PARD3B: variants seen among roughly 807,000 people sequenced by gnomAD.
PARD3B encodes the protein partitioning defective 3 homolog B.
A neutral mutation model predicts 130.2 loss-of-function variants in PARD3B; 103 were observed. The observed-to-expected ratio is 0.79, with a 90% CI of 0.67 to 0.93. PARD3B has a LOEUF of 0.93. PARD3B is among the 40% of genes least tolerant of loss of function. The pLI is 0.00. For missense variants in PARD3B, 1,609 were observed against 1,499.2 expected (o/e 1.07, Z -1.21); for synonymous variants, 583 against 553.2 (o/e 1.05, Z -0.76).
At chr2:205,023,154 G>A (rs888272046) in intron 3 of PARD3B, among the ~76,000 whole-genome samples, 1 of 152,140 alleles carries the variant, frequency 6.6e-6, no homozygotes, top group Non-Finnish European at 1.5e-5. Flanking sequence ...TAGAAGTTCG[G>A]TTGCATCGGA....
In PARD3B at chr2:205,183,536, G is replaced by A. The variant is rs2035913051; in HGVS notation, c.1925-2228G>A. ...CCCTAGGGTTGGAGGTGGTGCAGGG[G>A]CACAGTGCAGGCGCTGCCTTTGTGC... On this transcript the variant is annotated intron_variant, in intron 13 of 22. Transcript: ENST00000406610. This position sits in a 1 kb window ranked among gnomAD's most constrained non-coding sequence, Gnocchi z 5.2. 6.6e-6 allele frequency among the ~76,000 whole-genome samples: 1 copy of A among 152,104 alleles called. No homozygotes were observed. The highest frequency in any genetic ancestry group is 2.1e-4 in the South Asian group (1 of 4,832).
At chr2:205,613,765 A>T (rs1336834851) in intron 22 of PARD3B, among the ~76,000 whole-genome samples, 1 of 152,224 alleles carries the variant, frequency 6.6e-6, no homozygotes, top group Non-Finnish European at 1.5e-5. Flanking sequence ...GTTCATCCTT[A>T]TAGATTTGTT....
At chr2:204,717,118 A>G (rs1236372364) in intron 2 of PARD3B, among the ~76,000 whole-genome samples, 1 of 152,124 alleles carries the variant, frequency 6.6e-6, no homozygotes, top group Non-Finnish European at 1.5e-5. Flanking sequence ...TGAACCAGTT[A>G]GTCGTGATGA....
chr2:204,600,930 A>AT lies in PARD3B; in HGVS notation c.120+54821dup, dbSNP rs550888318. Among the ~76,000 whole-genome samples the AT allele has an allele frequency of 5.5e-4, 82 of 149,928 alleles. 2 individuals are homozygous for AT. In the South Asian group the frequency reaches 5.7e-3, roughly 10 times the overall value. ...GTCCAACTGTTTAGTTTAAAATAGG[A>AT]TTTTTTTTTTCTGAGTAAATCTATT... is the stretch of plus-strand genomic sequence containing the variant. On this transcript the variant is annotated intron_variant, in intron 1 of 22. Transcript: ENST00000406610.
At chr2:205,540,108 C>T (rs762307442) in intron 21 of PARD3B, among the ~76,000 whole-genome samples, 1 of 152,126 alleles carries the variant, frequency 6.6e-6, no homozygotes, top group Non-Finnish European at 1.5e-5. Context: ...CGTCATGCTA[C>T]ATCCATGTCT....
At chr2:204,983,359 T>G (rs1692846914) in intron 3 of PARD3B, among the ~76,000 whole-genome samples, 2 of 145,422 alleles carry the variant, frequency 1.4e-5, no homozygotes, top group South Asian at 4.5e-4. Context: ...AACCGAGGCT[T>G]TAATAAACAA....
rs997808384 is a variant in PARD3B at position 205,440,116 on chromosome 2, C to T, written c.2742-254C>T. Among the ~76,000 whole-genome samples, 10 of 152,136 alleles carry T rather than the reference C, an allele frequency of 6.6e-5. No homozygotes were observed. The highest frequency in any genetic ancestry group is 2.4e-4 in the African/African-American group (10 of 41,436). ...AACAGCCTCTGAAGCTACTATCAGCCTAGTCATCAGTGGGCAAGATATCAA... is the reference window on the plus strand; with the variant it reads ...AACAGCCTCTGAAGCTACTATCAGCTTAGTCATCAGTGGGCAAGATATCAA... On this transcript the variant is annotated intron_variant, in intron 19 of 22. Transcript: ENST00000406610. This position sits in a 1 kb window ranked among gnomAD's most constrained non-coding sequence, Gnocchi z 4.2.
intron 2 of PARD3B, among the ~76,000 whole-genome samples, chr2:204,770,770 T>TG (rs1176518340): frequency 6.6e-6 from 1 of 152,030 alleles, no homozygotes; most frequent in Non-Finnish European, 1.5e-5. Flanking sequence ...CCCCATCCTC[T>TG]GCTCACCCTT....
intron 2 of PARD3B, among the ~76,000 whole-genome samples, chr2:204,844,295 A>G (rs1284811695): frequency 1.3e-5 from 2 of 152,254 alleles, no homozygotes; most frequent in Non-Finnish European, 2.9e-5. Context: ...TTTTAGTACC[A>G]CTACGATTAA....
intron 4 of PARD3B, among the ~76,000 whole-genome samples, chr2:205,057,562 C>CGTATATGTGTATGTGTATGTGT (rs1559397296): frequency 2.5e-5 from 3 of 121,922 alleles, no homozygotes; most frequent in Admixed American, 8.6e-5. Context: ...TGTATATATA[C>CGTATATGTGTATGTGTATGTGT]ATATATGTAT....
chr2:205,523,722 T>G (rs934999605), intron 21 of PARD3B, among the ~76,000 whole-genome samples: 1 of 151,916 alleles, frequency 6.6e-6, no homozygotes, highest in Non-Finnish European at 1.5e-5. Context: ...GATCCTACTA[T>G]CTAGGGATTA....
intron 3 of PARD3B, among the ~76,000 whole-genome samples, chr2:204,991,880 G>T (rs1693723329): frequency 6.7e-6 from 1 of 149,886 alleles, no homozygotes; most frequent in South Asian, 2.1e-4. Flanking sequence ...GTCTTCTTTT[G>T]AGACGTGTCT....
At chr2:204,690,253 GTAACTAC>G (rs1253641815) in intron 2 of PARD3B, among the ~76,000 whole-genome samples, 1 of 152,158 alleles carries the variant, frequency 6.6e-6, no homozygotes, top group Non-Finnish European at 1.5e-5. Flanking sequence ...TTGTATTACA[GTAACTAC>G]TTTTTTGCAC....
intron 10 of PARD3B, among the ~76,000 whole-genome samples, chr2:205,154,790 G>T (rs1168994659): frequency 1.3e-5 from 2 of 152,078 alleles, no homozygotes; most frequent in Non-Finnish European, 2.9e-5. Flanking sequence ...GCAAACTATC[G>T]CAAGGACAGA....
chr2:205,002,409 C>T (rs1399498528), intron 3 of PARD3B, among the ~76,000 whole-genome samples: 1 of 152,178 alleles, frequency 6.6e-6, no homozygotes, highest in Non-Finnish European at 1.5e-5. Context: ...CCCACCCCTA[C>T]CCAGCTTCCT....
At chr2:204,703,293 C>G (rs1220076753) in intron 2 of PARD3B, among the ~76,000 whole-genome samples, 1 of 152,156 alleles carries the variant, frequency 6.6e-6, no homozygotes, top group Non-Finnish European at 1.5e-5. Flanking sequence ...TTCTGGAACT[C>G]TACTGTCCCT....
chr2:205,596,801 G>T (rs2054587602), intron 22 of PARD3B, among the ~76,000 whole-genome samples: 1 of 152,042 alleles, frequency 6.6e-6, no homozygotes. Flanking sequence ...CCTCCTTCCT[G>T]CCCTCCCTGC....
At chr2:205,215,741 A>G (rs999746645) in intron 15 of PARD3B, among the ~76,000 whole-genome samples, 8 of 152,072 alleles carry the variant, frequency 5.3e-5, no homozygotes, top group African/African-American at 1.9e-4. Flanking sequence ...CCTTAACACT[A>G]TTTTCATCTT....
intron 2 of PARD3B, among the ~76,000 whole-genome samples, chr2:204,873,609 T>C (rs1303639813): frequency 1.3e-5 from 2 of 152,152 alleles, no homozygotes; most frequent in Non-Finnish European, 2.9e-5. Flanking sequence ...AGGCAAACAG[T>C]ACATGAGTTT....
Sources: allele counts gnomAD v4.1 joint callset (sites outside exome capture counted in the v4.1 genomes callset), GRCh38; gene constraint gnomAD v4.1.1; non-coding constraint Gnocchi (gnomAD v3.1); transcripts MANE v1.5; gene names NCBI Gene and HGNC (gene_info 2026-07-23, HGNC 2026-07-21).